SLC4A7: variants seen among roughly 807,000 people sequenced by gnomAD.
SLC4A7 encodes the protein sodium bicarbonate cotransporter 3.
A neutral mutation model predicts 137.6 loss-of-function variants in SLC4A7; 51 were observed. The ratio of observed to expected loss-of-function variants is 0.37; its 90% CI spans 0.30 to 0.47. The LOEUF is 0.47. Among genes scored for constraint, SLC4A7 ranks in the 20% least tolerant of loss-of-function variants. SLC4A7 has a pLI of 1.00. For missense variants in SLC4A7, 1,247 were observed against 1,525.4 expected, an observed-to-expected ratio of 0.82 and a Z score of 3.04; for synonymous variants, 542 against 518.6, an observed-to-expected ratio of 1.05 and a Z score of -0.61.
At chr3:27,483,950 G>A in intron 1 of SLC4A7, 117 bp downstream of exon 1, 1 of 746,862 alleles carries the variant, frequency 1.3e-6, no homozygotes, top group Non-Finnish European at 1.8e-6. Context: ...GAGGTGGAGG[G>A]GCGACGGGCC....
chr3:27,403,126 G>A lies in SLC4A7; in HGVS notation c.2321+13C>T. The A allele has an allele frequency of 6.3e-7, 1 of 1,588,398 alleles. No individual in the cohort carries two copies. Among genetic ancestry groups the A allele is most frequent in the Non-Finnish European group, 8.5e-7 (1 of 1,171,902 alleles). ...AACACATTTTAATATTAGGAGAAAA[G>A]AGAAATACTTACGAGTAGCTGGTCA... On this transcript the variant is annotated intron_variant, in intron 15 of 25. Coordinates refer to ENST00000454389, the MANE Select transcript of SLC4A7 (RefSeq NM_001321103.2).
chr3:27,477,953 T>C (rs996741498), intron 1 of SLC4A7, among the ~76,000 whole-genome samples: 14 of 152,100 alleles, frequency 9.2e-5, no homozygotes, highest in Non-Finnish European at 1.9e-4. Flanking sequence ...CTCCTTTCTG[T>C]AACGAAATAA....
intron 7 of SLC4A7, among the ~76,000 whole-genome samples, chr3:27,430,623 A>T (rs2056172092): frequency 6.6e-6 from 1 of 151,344 alleles, no homozygotes; most frequent in Non-Finnish European, 1.5e-5. Context: ...AAAAAAAAAA[A>T]AGTTCACCCA....
At chr3:27,475,607 A>C (rs1359532465) in intron 1 of SLC4A7, among the ~76,000 whole-genome samples, 2 of 152,188 alleles carry the variant, frequency 1.3e-5, no homozygotes, top group African/African-American at 4.8e-5. Flanking sequence ...ATGAAAGGCC[A>C]AATGAAGGCC....
intron 17 of SLC4A7, 149 bp downstream of exon 17, chr3:27,398,043 A>T: frequency 1.5e-6 from 1 of 658,170 alleles, no homozygotes; most frequent in Non-Finnish European, 2.6e-6. Context: ...GGCACGTAAT[A>T]TACATTTTTC....
rs903658522 is a variant in SLC4A7, at chr3:27,375,780, A to G, written c.*984T>C. ...TAATCTACAAAAGTGAAAGAATAAC[A>G]TAAAGAGAAAATGAAAGGTAATTCT... On this transcript the variant is annotated 3_prime_UTR_variant, in exon 26 of 26. Transcript: ENST00000454389. 1.3e-5 allele frequency: 2 copies of G among 152,316 alleles called. No homozygotes were observed. Among genetic ancestry groups the G allele is most frequent in the African/African-American group, 4.8e-5 (2 of 41,450 alleles). 9.4% of individuals were successfully genotyped at this position (152,316 alleles called of 1,614,324 possible).
chr3:27,405,188 C>G (rs925956117), intron 13 of SLC4A7, among the ~76,000 whole-genome samples: 1 of 152,064 alleles, frequency 6.6e-6, no homozygotes, highest in Non-Finnish European at 1.5e-5. Context: ...CTTTTGTGAT[C>G]ATCCTTAATT....
rs746667345 is a variant in SLC4A7 at position 27,397,806 on chromosome 3, A to G, written c.2590-9T>C. Reference sequence around the variant, plus strand: ...CTGATTGTCGATCGCACCTATGTTAAAGGGATTATGTTAATATAAACACAG... The same window carrying G: ...CTGATTGTCGATCGCACCTATGTTAGAGGGATTATGTTAATATAAACACAG... On this transcript the variant is annotated splice_polypyrimidine_tract_variant and intron_variant, in intron 17 of 25. Coordinates refer to ENST00000454389, the MANE Select transcript of SLC4A7 (RefSeq NM_001321103.2). The G allele has an allele frequency of 6.9e-7, 1 of 1,440,464 alleles. No homozygotes were observed. The highest frequency in any genetic ancestry group is 9.7e-7 in the Non-Finnish European group (1 of 1,027,322). The allele number at this position is 1,440,464 out of a possible 1,614,324, so 89.2% of individuals were successfully genotyped here.
chr3:27,406,188 C>T (rs1487553789), intron 13 of SLC4A7, among the ~76,000 whole-genome samples: 5 of 152,150 alleles, frequency 3.3e-5, no homozygotes, highest in Admixed American at 1.3e-4. Context: ...TCAGCCATGG[C>T]CATATCTTAA....
Position 27,438,911 on chromosome 3 carries a change from G to A in SLC4A7, c.290-1385C>T, listed in dbSNP as rs866419598. On this transcript the variant is annotated intron_variant, in intron 3 of 25. Transcript: ENST00000454389. ...GTTTTGGGGTGGAACAAGTCACTAC[G>A]AAGAACAGATAACCCACTCATGGCG... Among the ~76,000 whole-genome samples, 17 of 152,282 alleles carry A rather than the reference G, an allele frequency of 1.1e-4. 1 individual carries two copies. Among genetic ancestry groups the A allele is most frequent in the Middle Eastern group, 6.8e-3 (2 of 294 alleles).
At chr3:27,465,548 G>A (rs1233771514) in intron 1 of SLC4A7, among the ~76,000 whole-genome samples, 2 of 149,432 alleles carry the variant, frequency 1.3e-5, no homozygotes, top group African/African-American at 4.9e-5. Flanking sequence ...CAAATTAACT[G>A]ATTTTTTGAA....
chr3:27,392,748 C>T (rs1468234240), intron 20 of SLC4A7, among the ~76,000 whole-genome samples: 1 of 151,844 alleles, frequency 6.6e-6, no homozygotes, highest in African/African-American at 2.4e-5. Flanking sequence ...ATCATTTGAA[C>T]CCAGGAGGCA....
chr3:27,375,577 C>G lies in SLC4A7; in HGVS notation c.*1187G>C, dbSNP rs1045513800. 16 of 152,278 alleles carry G rather than the reference C, an allele frequency of 1.1e-4. No homozygotes were observed. The highest frequency in any genetic ancestry group is 5.9e-4 in the Admixed American group (9 of 15,248). The allele number at this position is 152,278 out of a possible 1,614,324, so 9.4% of individuals were successfully genotyped here. On this transcript the variant is annotated 3_prime_UTR_variant, in exon 26 of 26. Coordinates refer to ENST00000454389, the MANE Select transcript of SLC4A7 (RefSeq NM_001321103.2). ...ATATAAATATGGCAGTGCTTTATAT[C>G]AAAGATGTAAAATCTATCAATTGCT...
intron 4 of SLC4A7, 26 bp downstream of exon 4, chr3:27,437,362 A>G (rs897240192): frequency 1.4e-5 from 20 of 1,476,266 alleles, no homozygotes; most frequent in African/African-American, 1.0e-4. Flanking sequence ...AAAAAAAAAA[A>G]AGAGAGAGAG....
At chr3:27,437,978 T>C (rs1402918827) in intron 3 of SLC4A7, among the ~76,000 whole-genome samples, 5 of 152,054 alleles carry the variant, frequency 3.3e-5, no homozygotes, top group Admixed American at 2.6e-4. Flanking sequence ...AAGTGTACCA[T>C]CTGAGGTCAG....
At chr3:27,439,760 T>C (rs1317061219) in intron 3 of SLC4A7, among the ~76,000 whole-genome samples, 3 of 152,214 alleles carry the variant, frequency 2.0e-5, no homozygotes, top group Non-Finnish European at 4.4e-5. Context: ...TACAGTGTTA[T>C]ATAAAAGTCA....
At chr3:27,418,955 A>C (rs1048639700) in intron 10 of SLC4A7, among the ~76,000 whole-genome samples, 1 of 152,212 alleles carries the variant, frequency 6.6e-6, no homozygotes, top group Admixed American at 6.5e-5. Context: ...CTTCTATGAC[A>C]TTTAAATGTC....
intron 15 of SLC4A7, 30 bp from the exon 16 acceptor site, chr3:27,400,899 A>T (rs758654360): frequency 9.1e-6 from 11 of 1,211,796 alleles, no homozygotes; most frequent in Non-Finnish European, 1.3e-5. Flanking sequence ...TACATTTTTA[A>T]GGATCCTGAA....
chr3:27,424,963 AT>A (rs1171204068), intron 7 of SLC4A7, among the ~76,000 whole-genome samples: 2 of 152,262 alleles, frequency 1.3e-5, no homozygotes, highest in Non-Finnish European at 2.9e-5. Context: ...TAGTATATTC[AT>A]TTCAAAAGTG....
Sources: gnomAD v4.1 joint callset for allele counts (sites outside exome capture counted in the v4.1 genomes callset) on GRCh38, gnomAD v4.1.1 for gene constraint, MANE v1.5 for transcripts, NCBI Gene and HGNC (gene_info 2026-07-23, HGNC 2026-07-21) for gene names.